Variants in APBB2 observed in about 807,000 individuals in gnomAD.
APBB2 encodes the protein amyloid beta precursor protein binding family B member 2.
A neutral mutation model predicts 82.5 loss-of-function variants in APBB2; 38 were observed. The observed-to-expected ratio is 0.46, with a 90% CI of 0.36 to 0.60. APBB2 has a LOEUF of 0.60. Among genes scored for constraint, APBB2 ranks in the 20% least tolerant of loss-of-function variants. The pLI is 0.00. For missense variants in APBB2, 772 were observed against 972.3 expected (o/e 0.79, Z 2.74); for synonymous variants, 341 against 368.2 (o/e 0.93, Z 0.85).
At chr4:40,925,099 C>T (rs1233969532) in intron 10 of APBB2, among the ~76,000 whole-genome samples, 1 of 152,182 alleles carries the variant, frequency 6.6e-6, no homozygotes, top group Non-Finnish European at 1.5e-5. Context: ...TTCAACCAGC[C>T]ATGGAATATG....
At chr4:41,198,029 G>A in intron 1 of APBB2, among the ~76,000 whole-genome samples, 1 of 152,140 alleles carries the variant, frequency 6.6e-6, no homozygotes, top group Non-Finnish European at 1.5e-5. Context: ...TAACCCTACT[G>A]AGAAAGGCGC....
intron 1 of APBB2, among the ~76,000 whole-genome samples, chr4:41,160,319 T>C (rs1764834995): frequency 1.3e-5 from 2 of 152,168 alleles, no homozygotes; most frequent in Admixed American, 6.5e-5. Flanking sequence ...ACCATGCACA[T>C]TCCCATTTCA....
chr4:41,168,210 AGTGAGCCGAAGCCTGC>A (rs1767222740), intron 1 of APBB2, among the ~76,000 whole-genome samples: 1 of 52,346 alleles, frequency 1.9e-5, no homozygotes, highest in Admixed American at 1.6e-4. Flanking sequence ...CGGAGCCTGC[AGTGAGCCGAAGCCTGC>A]AGTGAGCCGA....
chr4:40,902,003 A>G lies in APBB2; in HGVS notation c.1255-8592T>C, dbSNP rs1221964464. Among the ~76,000 whole-genome samples, 10 of 152,214 alleles carry G rather than the reference A, an allele frequency of 6.6e-5. No individual in the cohort carries two copies. In the South Asian group the frequency reaches 2.1e-3, roughly 32 times the overall value. On this transcript the variant is annotated intron_variant, in intron 10 of 17. Transcript: ENST00000508593. ...TAAAAGCTGTAAAAATACAAAGTACAGTATATCTTCACTTAACATCATTGA... is the reference window on the plus strand; with the variant it reads ...TAAAAGCTGTAAAAATACAAAGTACGGTATATCTTCACTTAACATCATTGA...
intron 10 of APBB2, among the ~76,000 whole-genome samples, chr4:40,905,531 T>C (rs1776471747): frequency 6.6e-6 from 1 of 152,222 alleles, no homozygotes. Context: ...TCTTTACTTG[T>C]TCTCCCCTGG....
At chr4:40,952,703 A>T (rs1790533070) in intron 6 of APBB2, among the ~76,000 whole-genome samples, 2 of 152,198 alleles carry the variant, frequency 1.3e-5, no homozygotes, top group African/African-American at 4.8e-5. Context: ...GCTGCATTTA[A>T]TGCTCACATC....
At chr4:40,819,429 G>A (rs1206892887) in intron 17 of APBB2, among the ~76,000 whole-genome samples, 1 of 151,592 alleles carries the variant, frequency 6.6e-6, no homozygotes, top group Non-Finnish European at 1.5e-5. Context: ...CAAGTGATCC[G>A]CCCGCCTCAG....
chr4:41,151,247 G>A (rs1762201049), intron 1 of APBB2, among the ~76,000 whole-genome samples: 1 of 152,130 alleles, frequency 6.6e-6, no homozygotes, highest in Non-Finnish European at 1.5e-5. Context: ...TCAACGCATT[G>A]CAGAGACTAT....
intron 10 of APBB2, among the ~76,000 whole-genome samples, chr4:40,899,775 C>T (rs1774736207): frequency 6.6e-6 from 1 of 152,156 alleles, no homozygotes; most frequent in Non-Finnish European, 1.5e-5. Context: ...GGCTTTAATG[C>T]AAGCAGCAAA....
intron 6 of APBB2, among the ~76,000 whole-genome samples, chr4:41,004,481 G>A (rs904147563): frequency 7.2e-5 from 11 of 152,140 alleles, no homozygotes; most frequent in African/African-American, 2.7e-4. Flanking sequence ...TGACATCACA[G>A]ACTGGTTTTA....
chr4:41,206,657 A>G (rs11931663), intron 1 of APBB2, among the ~76,000 whole-genome samples: 12,152 of 152,252 alleles, frequency 0.08, 692 homozygotes, highest in Non-Finnish European at 0.12. Flanking sequence ...AAAATTTGCA[A>G]TGTGGTATAT....
intron 6 of APBB2, among the ~76,000 whole-genome samples, chr4:40,966,481 C>T (rs555330631): frequency 2.6e-5 from 4 of 152,164 alleles, no homozygotes; most frequent in South Asian, 2.1e-4. Flanking sequence ...CCCTCCTGGG[C>T]GCAGCTACAG....
intron 10 of APBB2, among the ~76,000 whole-genome samples, chr4:40,914,760 G>A (rs182283705): frequency 5.9e-4 from 89 of 152,094 alleles, no homozygotes; most frequent in African/African-American, 1.8e-3. Context: ...TTCAATTGCC[G>A]CAAATGATGA....
chr4:40,843,504 TAC>T (rs1756585814), intron 12 of APBB2, among the ~76,000 whole-genome samples: 1 of 152,232 alleles, frequency 6.6e-6, no homozygotes, highest in South Asian at 2.1e-4. Context: ...TTTTAATATA[TAC>T]ACAGTAAAAA....
chr4:40,824,760 A>C (rs994882200), intron 15 of APBB2, among the ~76,000 whole-genome samples: 1 of 152,064 alleles, frequency 6.6e-6, no homozygotes, highest in Non-Finnish European at 1.5e-5. Flanking sequence ...CAAAGTGCTG[A>C]GATTACAGGT....
At chr4:40,818,751 T>G (rs1253872947) in intron 17 of APBB2, among the ~76,000 whole-genome samples, 1 of 152,192 alleles carries the variant, frequency 6.6e-6, no homozygotes, top group Non-Finnish European at 1.5e-5. Flanking sequence ...ATGGTGTAAG[T>G]GTGACACCAG....
rs764484388 is a variant in APBB2 at position 40,827,166 on chromosome 4, T to C, written c.1698A>G (p.Glu566=). The change falls in exon 14 of 18, where the codon GAA becomes GAG. Residue 566 remains glutamate (E), a synonymous_variant. Transcript: ENST00000508593. ...GGACATCGAGGTTCACATTGGCCCTTTCCTGTAAGGAGCTGCAGGCCAGCG... is the reference window on the plus strand; with the variant it reads ...GGACATCGAGGTTCACATTGGCCCTCTCCTGTAAGGAGCTGCAGGCCAGCG... ...AKALACSSLQ[E]RANVNLDVPL... The C allele has an allele frequency of 6.2e-7, 1 of 1,614,192 alleles. No homozygotes were observed. The highest frequency in any genetic ancestry group is 8.5e-7 in the Non-Finnish European group (1 of 1,180,018).
At chr4:41,034,564 A>T (rs753001589) in intron 4 of APBB2, among the ~76,000 whole-genome samples, 3 of 152,228 alleles carry the variant, frequency 2.0e-5, no homozygotes, top group Admixed American at 6.5e-5. Flanking sequence ...ACCTCAAGTG[A>T]TCCGCCCACC....
At chr4:40,923,258 A>C (rs1220114721) in intron 10 of APBB2, among the ~76,000 whole-genome samples, 1 of 152,236 alleles carries the variant, frequency 6.6e-6, no homozygotes, top group African/African-American at 2.4e-5. Context: ...TACAGGCGTG[A>C]GCCACGGTCG....
Sources: gnomAD v4.1 joint callset for allele counts (sites outside exome capture counted in the v4.1 genomes callset) on GRCh38, gnomAD v4.1.1 for gene constraint, MANE v1.5 for transcripts, NCBI Gene and HGNC (gene_info 2026-07-23, HGNC 2026-07-21) for gene names.